The following AGO4 variants were observed in gnomAD, a reference collection of about 807,000 sequenced individuals.
The protein encoded by AGO4 is argonaute RISC component 4.
In AGO4, 33 loss-of-function variants were observed where a neutral mutation model predicts 104.7. The observed-to-expected ratio is 0.32, with a 90% CI of 0.24 to 0.42. AGO4 has a LOEUF of 0.42. Among genes scored for constraint, AGO4 ranks in the 10% least tolerant of loss-of-function variants. The pLI is 1.00. For synonymous variants in AGO4, 331 were observed against 364.7 expected (o/e 0.91, Z 1.05); for missense variants, 711 against 1,083.4 (o/e 0.66, Z 4.83).
At chr1:35,818,268 A>T (rs1297370349) in intron 2 of AGO4, among the ~76,000 whole-genome samples, 1 of 152,164 alleles carries the variant, frequency 6.6e-6, no homozygotes, top group South Asian at 2.1e-4. Flanking sequence ...TATTTGACCT[A>T]GAGGAGGTGA....
At chr1:35,825,031 T>C (rs1643979315) in intron 3 of AGO4, among the ~76,000 whole-genome samples, 1 of 152,178 alleles carries the variant, frequency 6.6e-6, no homozygotes, top group Non-Finnish European at 1.5e-5. Context: ...AGAAATAGAA[T>C]CATGAAATAT....
At chr1:35,807,729 C>T (rs1643341282), upstream of AGO4, among the ~76,000 whole-genome samples, 1 of 152,060 alleles carries the variant, frequency 6.6e-6, no homozygotes, top group African/African-American at 2.4e-5. Context: ...CTAAGGTGAC[C>T]CTAAAAGACG....
intron 1 of AGO4, 84 bp from the exon 2 acceptor site, chr1:35,816,798 C>CAAAAAA (rs72065876): frequency 4.8e-6 from 5 of 1,041,110 alleles, no homozygotes; most frequent in African/African-American, 2.2e-5. Context: ...AACTCTGTCT[C>CAAAAAA]AAAAAAAAAA....
chr1:35,850,306 G>A, intron 16 of AGO4, 48 bp downstream of exon 16: 1 of 1,381,178 alleles, frequency 7.2e-7, no homozygotes, highest in Non-Finnish European at 1.0e-6. Flanking sequence ...GGAGATGTTT[G>A]CAAATTCAGC....
rs72414122 is a variant in AGO4 at position 35,846,604 on chromosome 1, G to GAT, written c.2176-3528_2176-3527dup. 1.1e-3 allele frequency among the ~76,000 whole-genome samples: 154 copies of GAT among 140,706 alleles called. 1 individual carries two copies. The highest frequency in any genetic ancestry group is 3.8e-3 in the Middle Eastern group (1 of 264). 92.3% of individuals were successfully genotyped at this position (140,706 alleles called of 152,430 possible). A position where few individuals can be genotyped will look rare whatever the true frequency, so the allele number is the denominator to read the frequency against. The stretch of plus-strand genomic sequence containing the variant: ...AGAGTGAGACTCCATCTCAAAAAAA[G>GAT]ATATATATATATATATATATATATA... On this transcript the variant is annotated intron_variant, in intron 15 of 17. Transcript: ENST00000373210.
intron 1 of AGO4, among the ~76,000 whole-genome samples, chr1:35,815,003 G>C (rs1643645614): frequency 6.6e-6 from 1 of 152,078 alleles, no homozygotes; most frequent in African/African-American, 2.4e-5. Context: ...TCAGCCTCCT[G>C]AGTAGCTGGG....
intron 13 of AGO4, among the ~76,000 whole-genome samples, chr1:35,836,264 T>A (rs991920329): frequency 6.6e-6 from 1 of 152,222 alleles, no homozygotes; most frequent in African/African-American, 2.4e-5. Context: ...TTGAGCTTCA[T>A]ATAAATGGAA....
chr1:35,811,476 A>AC (rs1184942646), intron 1 of AGO4, among the ~76,000 whole-genome samples: 3 of 151,626 alleles, frequency 2.0e-5, no homozygotes, highest in Non-Finnish European at 2.9e-5. Flanking sequence ...AAAACAAAAA[A>AC]AAAAACAAAA....
intron 1 of AGO4, among the ~76,000 whole-genome samples, chr1:35,815,796 A>G (rs1385387156): frequency 6.6e-6 from 1 of 152,116 alleles, no homozygotes; most frequent in Non-Finnish European, 1.5e-5. Flanking sequence ...TGCCAGCAGC[A>G]CTTCTCAGGT....
chr1:35,831,594 G>A lies in AGO4; in HGVS notation c.996+20G>A, dbSNP rs1178648731. 1 of 1,606,842 alleles carries A rather than the reference G, an allele frequency of 6.2e-7. No individual in the cohort carries two copies. Among genetic ancestry groups the A allele is most frequent in the South Asian group, 1.1e-5 (1 of 89,262 alleles). ...CTCGAGGTAAGTTAAATTTTCTTTTGCCAATTTGCTGATCTCTTGAATGAG... is the reference window on the plus strand; with the variant it reads ...CTCGAGGTAAGTTAAATTTTCTTTTACCAATTTGCTGATCTCTTGAATGAG... On this transcript the variant is annotated intron_variant, in intron 8 of 17. Coordinates refer to ENST00000373210, the MANE Select transcript of AGO4 (RefSeq NM_017629.4).
Position 35,825,688 on chromosome 1 carries a change from A to G in AGO4, c.498A>G (p.Pro166=), listed in dbSNP as rs143995149. 9.6e-6 allele frequency: 15 copies of G among 1,556,090 alleles called. No individual in the cohort carries two copies. In the African/African-American group the frequency reaches 1.5e-4, roughly 16 times the overall value. The change falls in exon 5 of 18, where the codon CCA becomes CCG. Residue 166 remains proline, a synonymous_variant. Coordinates refer to ENST00000373210, the MANE Select transcript of AGO4 (RefSeq NM_017629.4). The part of the protein sequence containing the change: ...TRHLPSMRYT[P]VGRSFFSPPE... ...ACTCTTATTTCTTCAGGTACACCCC[A>G]GTGGGCCGTTCCTTTTTCTCACCCC...
chr1:35,841,020 G>A lies in AGO4; in HGVS notation c.1725-145G>A, dbSNP rs1286799413. 15 of 782,246 alleles carry A rather than the reference G, an allele frequency of 1.9e-5. No homozygotes were observed. In the East Asian group the frequency reaches 3.5e-4, roughly 18 times the overall value. The allele number at this position is 782,246 out of a possible 1,614,324, so 48.5% of individuals were successfully genotyped here. A position where few individuals can be genotyped will look rare whatever the true frequency, so the allele number is the denominator to read the frequency against. On this transcript the variant is annotated intron_variant, in intron 13 of 17. Coordinates refer to ENST00000373210, the MANE Select transcript of AGO4 (RefSeq NM_017629.4). The surrounding 1 kb of genome is among the most constrained non-coding windows in gnomAD (Gnocchi z 4.7). ...TACTGGGTGACATCAATATTCAGTG[G>A]TCCGTAGTGTTCTTTCCCAATGGGC...
chr1:35,810,364 G>A (rs941726405), intron 1 of AGO4, among the ~76,000 whole-genome samples: 1 of 152,140 alleles, frequency 6.6e-6, no homozygotes, highest in African/African-American at 2.4e-5. Context: ...TTCTTTGGCA[G>A]AGCACACCTG....
chr1:35,834,167 A>G lies in AGO4; in HGVS notation c.1557A>G (p.Pro519=), dbSNP rs781532394. The G allele has an allele frequency of 8.8e-6, 14 of 1,596,592 alleles. No homozygotes were observed. The highest frequency in any genetic ancestry group is 1.3e-5 in the African/African-American group (1 of 74,200). The change falls in exon 12 of 18, where the codon CCA becomes CCG. Residue 519 remains proline, a synonymous_variant. Transcript: ENST00000373210. ...LIVVILPGKT[P]VYAEVKRVGD... The stretch of plus-strand genomic sequence containing the variant: ...TGGTTATCCTGCCTGGAAAGACACC[A>G]GTATATGGTATGGACCCTTTTAATG...
intron 1 of AGO4, among the ~76,000 whole-genome samples, chr1:35,810,193 C>T (rs1240673135): frequency 2.0e-5 from 3 of 152,194 alleles, no homozygotes; most frequent in Non-Finnish European, 4.4e-5. Context: ...GGAATATTTT[C>T]CTGTCTGCTC....
intron 17 of AGO4, among the ~76,000 whole-genome samples, chr1:35,851,700 C>T (rs1644704643): frequency 6.6e-6 from 1 of 152,168 alleles, no homozygotes; most frequent in African/African-American, 2.4e-5. Context: ...GTAGACATTC[C>T]ACTGCAAGTC....
chr1:35,834,213 A>G, intron 12 of AGO4, 39 bp downstream of exon 12: 2 of 1,467,520 alleles, frequency 1.4e-6, no homozygotes, highest in Non-Finnish European at 1.8e-6. Flanking sequence ...GATGATTTCA[A>G]GCAGTAGATA....
upstream of AGO4, among the ~76,000 whole-genome samples, chr1:35,807,784 G>A (rs571099902): frequency 2.6e-5 from 4 of 152,158 alleles, no homozygotes; most frequent in African/African-American, 9.7e-5. Context: ...GGAGGGAGGC[G>A]AGGTGGCTCC....
At chr1:35,826,123 T>C in intron 6 of AGO4, 63 bp downstream of exon 6, 2 of 1,590,864 alleles carry the variant, frequency 1.3e-6, no homozygotes, top group Non-Finnish European at 1.7e-6. Context: ...TTGCCTGTGC[T>C]CTGGAGTCAC....
Sources: gnomAD v4.1 joint callset for allele counts (sites outside exome capture counted in the v4.1 genomes callset) on GRCh38, gnomAD v4.1.1 for gene constraint, Gnocchi (gnomAD v3.1) non-coding constraint, MANE v1.5 for transcripts, NCBI Gene and HGNC (gene_info 2026-07-23, HGNC 2026-07-21) for gene names.